The following CNOT1 variants were observed in gnomAD, a reference collection of about 807,000 sequenced individuals.
CNOT1 encodes CCR4-associated factor 1.
Under a neutral mutation model 273.8 loss-of-function variants are expected in CNOT1, and 15 were observed. The ratio of observed to expected loss-of-function variants is 0.05; its 90% CI spans 0.04 to 0.08. The LOEUF (loss-of-function observed/expected upper bound fraction) is 0.08. Among genes scored for constraint, CNOT1 ranks in the 10% least tolerant of loss-of-function variants. The probability of loss-of-function intolerance (pLI) is 1.00; values close to 1 mark genes in which losing one functional copy is unlikely to be tolerated. For synonymous variants in CNOT1, 1,022 were observed against 1,005.5 expected, an observed-to-expected ratio of 1.02 and a Z score of -0.31; for missense variants, 1,644 against 2,912.2, an observed-to-expected ratio of 0.56 and a Z score of 10.02.
intron 1 of CNOT1, among the ~76,000 whole-genome samples, chr16:58,609,686 C>T (rs550532993): frequency 9.9e-5 from 15 of 152,172 alleles, no homozygotes; most frequent in African/African-American, 3.1e-4. Flanking sequence ...TGGTCTGGAA[C>T]TCCTGAGCTC....
At chr16:58,600,272 A>AGGGATGTGGAGATTGC (rs11276191) in intron 1 of CNOT1, among the ~76,000 whole-genome samples, 34,791 of 151,866 alleles carry the variant, frequency 0.23, 4,361 homozygotes, top group African/African-American at 0.33. Flanking sequence ...TGCTTGAACC[A>AGGGATGTGGAGATTGC]GGTGAGCCGA....
chr16:58,540,925 G>C (rs953487315), intron 34 of CNOT1, among the ~76,000 whole-genome samples: 1 of 152,094 alleles, frequency 6.6e-6, no homozygotes, highest in Non-Finnish European at 1.5e-5. Flanking sequence ...AAATGGGAAG[G>C]CTGGGCACAA....
intron 1 of CNOT1, among the ~76,000 whole-genome samples, chr16:58,622,522 T>C (rs941834624): frequency 3.9e-5 from 6 of 152,110 alleles, no homozygotes; most frequent in African/African-American, 1.4e-4. Flanking sequence ...AACAAACGTT[T>C]AATTATCTGA....
In CNOT1 at chr16:58,547,286, A is replaced by C; in HGVS notation, c.3650T>G (p.Val1217Gly). 1 of 1,613,886 alleles carries C rather than the reference A, an allele frequency of 6.2e-7. No homozygotes were observed. Among genetic ancestry groups the C allele is most frequent in the Non-Finnish European group, 8.5e-7 (1 of 1,179,850 alleles). Residue 1217 changes from valine (V) to glycine (G), a missense_variant, in exon 27 of 49, where the codon GTG (valine) becomes GGG (glycine). By Grantham distance (109) the Val-to-Gly change is moderately radical (BLOSUM62 -3). Transcript: ENST00000317147. The surrounding 1 kb of genome is among the most constrained non-coding windows in gnomAD (Gnocchi z 4.0). ...ATAAGCCTCTAGCAGCAATGATTTC[A>C]CATCCAAGTCCTAGAATAAGAAAAA... ...NKPILHTDLD[V>G]KSLLLEAYVK...
Position 58,551,735 on chromosome 16 carries a change from G to C in CNOT1, c.3055C>G (p.Gln1019Glu). ...GGAACCTGGGCCTGAGCCTGGGCCT[G>C]AGCCAGTGCAATACTTCCAGGGGTT... ...ITTPGSIALAQAQAQAQVPAK... is the reference protein window; with the variant it reads ...ITTPGSIALAEAQAQAQVPAK... Residue 1019 changes from glutamine (Q) to glutamate (E), a missense_variant, in exon 23 of 49, where the codon CAG (glutamine) becomes GAG (glutamate). Around this residue, in one of 13 missense-constraint regions of CNOT1, gnomAD observed 77 missense variants for 90.5 expected, o/e 0.85. Coordinates refer to ENST00000317147, the MANE Select transcript of CNOT1 (RefSeq NM_016284.5). The C allele has an allele frequency of 6.2e-7, 1 of 1,614,200 alleles. No homozygotes were observed. The highest frequency in any genetic ancestry group is 1.1e-5 in the South Asian group (1 of 91,084).
intron 31 of CNOT1, among the ~76,000 whole-genome samples, chr16:58,542,814 G>A (rs549202332): frequency 1.3e-5 from 2 of 152,192 alleles, no homozygotes; most frequent in African/African-American, 4.8e-5. Flanking sequence ...AAGCAGGCCA[G>A]ACGCGGTGGC....
chr16:58,627,066 T>G (rs572748885), intron 1 of CNOT1, among the ~76,000 whole-genome samples: 1 of 152,202 alleles, frequency 6.6e-6, no homozygotes, highest in Non-Finnish European at 1.5e-5. Context: ...ACGTGTTTGT[T>G]ATTACACAGA....
At position 58,558,656 on chromosome 16, in the gene CNOT1, T is replaced by A. The variant is rs2040719761; in HGVS notation, c.2149A>T (p.Met717Leu). ...GAACCACCTATACTAAGAGATGTCATTCCAGCAAGAGGGTCAATCTAAAGA... is the reference window on the plus strand; with the variant it reads ...GAACCACCTATACTAAGAGATGTCAATCCAGCAAGAGGGTCAATCTAAAGA... ...SPVQIDPLAG[M>L]TSLSIGGSAA... Residue 717 changes from methionine to leucine, a missense_variant, in exon 18 of 49, where the codon ATG becomes TTG. This residue lies in a region of CNOT1 where 706 missense variants were observed against 1,021.2 expected (regional missense o/e 0.69). Coordinates refer to ENST00000317147, the MANE Select transcript of CNOT1 (RefSeq NM_016284.5). The A allele has an allele frequency of 6.2e-7, 1 of 1,613,734 alleles. No individual in the cohort carries two copies. Among genetic ancestry groups the A allele is most frequent in the Admixed American group, 1.7e-5 (1 of 59,960 alleles).
intron 1 of CNOT1, among the ~76,000 whole-genome samples, chr16:58,613,961 G>A (rs1467349388): frequency 8.4e-6 from 1 of 118,640 alleles, no homozygotes; most frequent in African/African-American, 2.8e-5. Context: ...GCGTGGTGGC[G>A]GGCACCTGTA....
chr16:58,560,436 ATTTTTTTT>A, intron 16 of CNOT1, 74 bp from the exon 17 acceptor site: 1 of 1,289,776 alleles, frequency 7.8e-7, no homozygotes. Context: ...AACCGATCTG[ATTTTTTTT>A]TTTTTTAAGA....
Position 58,574,744 on chromosome 16 carries a change from G to A in CNOT1, c.1844C>T (p.Ala615Val), listed in dbSNP as rs752768112. The change falls in exon 16 of 49, where the codon GCG becomes GTG. Residue 615 changes from alanine (A) to valine (V), a missense_variant. Physicochemically the swap from Ala to Val is moderately conservative, Grantham distance 64. Around this residue, in one of 13 missense-constraint regions of CNOT1, gnomAD observed 706 missense variants for 1,021.2 expected, o/e 0.69. Coordinates refer to ENST00000317147, the MANE Select transcript of CNOT1 (RefSeq NM_016284.5). Reference sequence around the variant, plus strand: ...CCGTCTCTTTAAAAAAGTCATACACGCCTGGATAAAAGGCTCCTGAAGAAT... The same window carrying A: ...CCGTCTCTTTAAAAAAGTCATACACACCTGGATAAAAGGCTCCTGAAGAAT... ...IREHGEPFIQACMTFLKRRCP... is the reference protein window; with the variant it reads ...IREHGEPFIQVCMTFLKRRCP... 1.9e-5 allele frequency: 31 copies of A among 1,597,022 alleles called. No homozygotes were observed. The East Asian group carries it at 2.0e-4, about 10-fold the overall frequency.
intron 30 of CNOT1, among the ~76,000 whole-genome samples, 185 bp downstream of exon 30, chr16:58,545,176 A>C (rs1031204858): frequency 1.3e-5 from 2 of 152,236 alleles, no homozygotes; most frequent in African/African-American, 2.4e-5. Context: ...TAGTCACTCT[A>C]TCTCTTAAGG....
At chr16:58,625,695 G>GA (rs989561784) in intron 1 of CNOT1, among the ~76,000 whole-genome samples, 51 of 148,868 alleles carry the variant, frequency 3.4e-4, no homozygotes, top group African/African-American at 1.1e-3. Flanking sequence ...AAAAAAAAAA[G>GA]AAAAAAAACA....
intron 30 of CNOT1, 28 bp from the exon 31 acceptor site, chr16:58,543,931 C>A (rs1420060861): frequency 7.0e-6 from 11 of 1,563,082 alleles, no homozygotes; most frequent in Non-Finnish European, 9.5e-6. Context: ...ACAAAGTCAA[C>A]ACCTTGTTTA....
intron 42 of CNOT1, 43 bp from the exon 43 acceptor site, chr16:58,530,390 G>A (rs762416892): frequency 1.4e-6 from 2 of 1,477,838 alleles, no homozygotes; most frequent in South Asian, 1.2e-5. Flanking sequence ...ATACTCAGCT[G>A]TTTTTCAGCC....
intron 1 of CNOT1, among the ~76,000 whole-genome samples, chr16:58,609,654 G>T (rs1414206701): frequency 6.6e-6 from 1 of 151,744 alleles, no homozygotes; most frequent in Non-Finnish European, 1.5e-5. Flanking sequence ...GTAGACACCG[G>T]GTCTCACTTT....
chr16:58,568,095 G>A (rs980490000), intron 16 of CNOT1, among the ~76,000 whole-genome samples: 27 of 152,216 alleles, frequency 1.8e-4, no homozygotes, highest in African/African-American at 5.3e-4. Context: ...AAAGAAGGCC[G>A]GGCACGGTGG....
Position 58,547,749 on chromosome 16 carries a change from T to C in CNOT1, c.3523-67A>G. On this transcript the variant is annotated intron_variant, in intron 25 of 48. Coordinates refer to ENST00000317147, the MANE Select transcript of CNOT1 (RefSeq NM_016284.5). This position sits in a 1 kb window ranked among gnomAD's most constrained non-coding sequence, Gnocchi z 4.0. The stretch of plus-strand genomic sequence containing the variant: ...ATGAAAGAAAACTCAACTAAGTATT[T>C]GAGAATTCCATTATCCTATCCTAAA... The C allele has an allele frequency of 1.4e-6, 2 of 1,476,000 alleles. No homozygotes were observed. Among genetic ancestry groups the C allele is most frequent in the Non-Finnish European group, 1.8e-6 (2 of 1,089,274 alleles). The allele number at this position is 1,476,000 out of a possible 1,614,324, so 91.4% of individuals were successfully genotyped here. A position where few individuals can be genotyped will look rare whatever the true frequency, so the allele number is the denominator to read the frequency against.
rs2043600255 is a variant in CNOT1 at position 58,626,714 on chromosome 16, C to A, written c.-175+3014G>T. ...GGCGGAGGTTGTAGTGAGCTGAGAT[C>A]GCACCACTGCATTCCAGCCTGGGCA... On this transcript the variant is annotated intron_variant, in intron 1 of 48. Coordinates refer to ENST00000317147, the MANE Select transcript of CNOT1 (RefSeq NM_016284.5). Among the ~76,000 whole-genome samples, 9 of 150,192 alleles carry A rather than the reference C, an allele frequency of 6.0e-5. No homozygotes were observed. The South Asian group carries it at 1.9e-3, about 32-fold the overall frequency.
Sources: gnomAD v4.1 joint callset for allele counts (sites outside exome capture counted in the v4.1 genomes callset) on GRCh38, gnomAD v4.1.1 for gene constraint, gnomAD v4.1.1 regional missense constraint, Gnocchi (gnomAD v3.1) non-coding constraint, MANE v1.5 for transcripts, NCBI Gene and HGNC (gene_info 2026-07-23, HGNC 2026-07-21) for gene names.